LRRIQ1: variants seen among roughly 807,000 people sequenced by gnomAD.
The protein encoded by LRRIQ1 is leucine rich repeats and IQ motif containing 1.
A neutral mutation model predicts 211.9 loss-of-function variants in LRRIQ1; 210 were observed. The observed-to-expected ratio is 0.99, with a 90% CI of 0.89 to 1.11. The LOEUF is 1.11. LRRIQ1 is among the 50% of genes most tolerant of loss of function. LRRIQ1 has a pLI of 0.00. For synonymous variants in LRRIQ1, 699 were observed against 650.1 expected (o/e 1.08, Z -1.14); for missense variants, 2,136 against 1,939.5 (o/e 1.10, Z -1.90).
intron 24 of LRRIQ1, among the ~76,000 whole-genome samples, 165 bp from the exon 25 acceptor site, chr12:85,229,352 C>G (rs1025567231): frequency 2.0e-5 from 3 of 152,060 alleles, no homozygotes; most frequent in Non-Finnish European, 2.9e-5. Flanking sequence ...TAATCTGTGA[C>G]TGACATTACT....
chr12:85,160,861 G>C (rs1890827601), intron 24 of LRRIQ1, 147 bp downstream of exon 24: 1 of 337,560 alleles, frequency 3.0e-6, no homozygotes. Flanking sequence ...TCAAAATATG[G>C]CTCTTAAAGC....
At chr12:85,037,938 A>G (rs1325614724) in intron 1 of LRRIQ1, among the ~76,000 whole-genome samples, 3 of 151,926 alleles carry the variant, frequency 2.0e-5, no homozygotes, top group African/African-American at 7.2e-5. Flanking sequence ...ATAAATCAAT[A>G]AGAGTATTAG....
At chr12:85,109,702 G>A (rs1277349048) in intron 15 of LRRIQ1, among the ~76,000 whole-genome samples, 1 of 152,078 alleles carries the variant, frequency 6.6e-6, no homozygotes, top group Non-Finnish European at 1.5e-5. Context: ...CCTAGGAATG[G>A]TGTTCAGTAA....
At chr12:85,140,577 T>C (rs1342478029) in intron 19 of LRRIQ1, among the ~76,000 whole-genome samples, 1 of 151,260 alleles carries the variant, frequency 6.6e-6, no homozygotes, top group Non-Finnish European at 1.5e-5. Context: ...CTTATACCTG[T>C]TATTTATTTT....
chr12:85,197,998 ATAACATATATAATATATTATATTAT>A (rs1893054133), intron 24 of LRRIQ1, among the ~76,000 whole-genome samples: 2 of 59,268 alleles, frequency 3.4e-5, no homozygotes, highest in Admixed American at 3.0e-4. Flanking sequence ...TATATTATAT[ATAACATATATAATATATTATATTAT>A]TATATATAAC....
At chr12:85,064,913 T>A (rs1280743797) in intron 8 of LRRIQ1, among the ~76,000 whole-genome samples, 1 of 151,918 alleles carries the variant, frequency 6.6e-6, no homozygotes, top group Non-Finnish European at 1.5e-5. Flanking sequence ...AGTACCATGC[T>A]GTTTTGATTA....
chr12:85,198,342 G>C (rs1315889353), intron 24 of LRRIQ1, among the ~76,000 whole-genome samples: 3 of 150,404 alleles, frequency 2.0e-5, no homozygotes, highest in African/African-American at 7.3e-5. Context: ...GAATTGCTGA[G>C]GTAAATGGTA....
chr12:85,178,046 T>C (rs1891799932), intron 24 of LRRIQ1, among the ~76,000 whole-genome samples: 1 of 152,112 alleles, frequency 6.6e-6, no homozygotes. Context: ...TAAGCGGTGC[T>C]CAGTATATGA....
In LRRIQ1 at chr12:85,217,494, A is replaced by G. The variant is rs200567629; in HGVS notation, c.4823-12023A>G. ...TATATATATATATATATATATATGT[A>G]TATATATATATATATGTGTGTGTGT... On this transcript the variant is annotated intron_variant, in intron 24 of 26. Transcript: ENST00000393217. Among the ~76,000 whole-genome samples the G allele has an allele frequency of 2.1e-3, 155 of 72,246 alleles. 3 individuals are homozygous for G. The highest frequency in any genetic ancestry group is 0.012 in the South Asian group (30 of 2,606). The allele number at this position is 72,246 out of a possible 152,430, so 47.4% of individuals were successfully genotyped here. A position where few individuals can be genotyped will look rare whatever the true frequency, so the allele number is the denominator to read the frequency against.
At position 85,174,701 on chromosome 12, in the gene LRRIQ1, C is replaced by CAAAAA. The variant is rs71076115; in HGVS notation, c.4822+14005_4822+14009dup. ...TGGGTGACAGAGCAAGAGTACAGCT[C>CAAAAA]AAAAAAAAAAAAAAAAAAAAAATCT... On this transcript the variant is annotated intron_variant, in intron 24 of 26. Transcript: ENST00000393217. Among the ~76,000 whole-genome samples the CAAAAA allele has an allele frequency of 2.3e-3, 49 of 21,580 alleles. 7 individuals are homozygous for CAAAAA. The highest frequency in any genetic ancestry group is 9.2e-3 in the East Asian group (11 of 1,196). The allele number at this position is 21,580 out of a possible 152,430, so 14.2% of individuals were successfully genotyped here.
At chr12:85,102,618 G>A (rs1460143843) in intron 13 of LRRIQ1, among the ~76,000 whole-genome samples, 1 of 151,502 alleles carries the variant, frequency 6.6e-6, no homozygotes, top group Non-Finnish European at 1.5e-5. Flanking sequence ...GTCAATACAA[G>A]GGTTAATCTT....
rs1451543685 is a variant in LRRIQ1 at position 85,245,092 on chromosome 12, A to G, written c.*151A>G. On this transcript the variant is annotated 3_prime_UTR_variant, in exon 27 of 27. Coordinates refer to ENST00000393217, the MANE Select transcript of LRRIQ1 (RefSeq NM_001079910.2). ...CTTTTGATATAAACAAAATTAAATT[A>G]TTTCTAAAATTAACTGCATCAGTTT... 3.2e-6 allele frequency: 4 copies of G among 1,246,586 alleles called. No homozygotes were observed. The highest frequency in any genetic ancestry group is 3.4e-5 in the Admixed American group (1 of 29,576). 77.2% of individuals were successfully genotyped at this position (1,246,586 alleles called of 1,614,324 possible).
chr12:85,192,720 T>TAA (rs1424905291), intron 24 of LRRIQ1, among the ~76,000 whole-genome samples: 81 of 100,606 alleles, frequency 8.1e-4, no homozygotes, highest in Admixed American at 1.1e-3. Context: ...TAATTATAAA[T>TAA]ATATATAGTT....
Position 85,191,084 on chromosome 12 carries a change from T to C in LRRIQ1, c.4822+30370T>C, listed in dbSNP as rs571980966. Among the ~76,000 whole-genome samples the C allele has an allele frequency of 1.1e-4, 17 of 152,144 alleles. No individual in the cohort carries two copies. In the East Asian group the frequency reaches 3.1e-3, roughly 28 times the overall value. The stretch of plus-strand genomic sequence containing the variant: ...AGCAAAATTTAGCAGAAAGTACAGA[T>C]AGTTTTCATGTACTCCGCAAATGTA... On this transcript the variant is annotated intron_variant, in intron 24 of 26. Coordinates refer to ENST00000393217, the MANE Select transcript of LRRIQ1 (RefSeq NM_001079910.2).
intron 26 of LRRIQ1, among the ~76,000 whole-genome samples, chr12:85,243,717 T>C (rs1160438072): frequency 1.3e-5 from 2 of 151,176 alleles, no homozygotes; most frequent in African/African-American, 4.8e-5. Context: ...TTTGGAAAAA[T>C]AGAAGTATAT....
chr12:85,269,544 C>A, the LRRIQ1 span, among the ~76,000 whole-genome samples: 5 of 151,912 alleles, frequency 3.3e-5, no homozygotes, highest in Middle Eastern at 3.2e-3. Flanking sequence ...TATGCTGATT[C>A]CTCTTAAATC....
At chr12:85,189,518 G>C (rs191416845) in intron 24 of LRRIQ1, among the ~76,000 whole-genome samples, 6 of 151,870 alleles carry the variant, frequency 4.0e-5, no homozygotes, top group Non-Finnish European at 7.4e-5. Flanking sequence ...ATCTTGAAAA[G>C]CAAAATAACA....
chr12:85,142,586 A>G (rs964420865), intron 19 of LRRIQ1, among the ~76,000 whole-genome samples: 20 of 151,418 alleles, frequency 1.3e-4, no homozygotes, highest in Admixed American at 4.0e-4. Flanking sequence ...GAAATTTTGT[A>G]TGCTGTGACC....
At chr12:85,197,971 T>TATATATAATTATATATTATATATAAC in intron 24 of LRRIQ1, among the ~76,000 whole-genome samples, 12 of 107,034 alleles carry the variant, frequency 1.1e-4, no homozygotes, top group African/African-American at 3.4e-4. Flanking sequence ...TATATATAAA[T>TATATATAATTATATATTATATATAAC]ATATATAATT....
Sources: allele counts gnomAD v4.1 joint callset (sites outside exome capture counted in the v4.1 genomes callset), GRCh38; gene constraint gnomAD v4.1.1; transcripts MANE v1.5; gene names NCBI Gene and HGNC (gene_info 2026-07-23, HGNC 2026-07-21).